Variants in PCDHGA4 observed in about 807,000 individuals in gnomAD.
The protein encoded by PCDHGA4 is protocadherin gamma subfamily A, 4, also known as protocadherin gamma-A4.
In PCDHGA4, 38 loss-of-function variants were observed where a neutral mutation model predicts 54.6. The ratio of observed to expected loss-of-function variants is 0.70; its 90% confidence interval spans 0.54 to 0.91. The LOEUF (loss-of-function observed/expected upper bound fraction) is 0.91. Among genes scored for constraint, PCDHGA4 ranks in the 40% least tolerant of loss-of-function variants. The probability of loss-of-function intolerance (pLI) is 0.00; values close to 1 mark genes in which losing one functional copy is unlikely to be tolerated. For missense variants in PCDHGA4, 1,298 were observed against 1,220.9 expected (o/e 1.06, Z -0.94); for synonymous variants, 511 against 512.9 (o/e 1.00, Z 0.05).
chr5:141,485,549 G>T lies in PCDHGA4; in HGVS notation c.2515-9258G>T. 1 of 1,614,030 alleles carries T rather than the reference G, an allele frequency of 6.2e-7. No homozygotes were observed. Among genetic ancestry groups the T allele is most frequent in the Non-Finnish European group, 8.5e-7 (1 of 1,179,922 alleles). On this transcript the variant is annotated intron_variant, in intron 1 of 3. Coordinates refer to ENST00000571252, the MANE Select transcript of PCDHGA4 (RefSeq NM_018917.4). The surrounding 1 kb of genome is among the most constrained non-coding windows in gnomAD (Gnocchi z 5.7). Reference sequence around the variant, plus strand: ...CCGAGCAGAGGTAGAGATCGTAGATGTGAATGATCACGCCCCCCGTTTTCC... The same window carrying T: ...CCGAGCAGAGGTAGAGATCGTAGATTTGAATGATCACGCCCCCCGTTTTCC...
chr5:141,426,733 G>A (rs62378459), intron 1 of PCDHGA4: 13,670 of 449,336 alleles, frequency 0.03, 288 homozygotes, highest in Middle Eastern at 0.11. Context: ...CCAGGCATTC[G>A]GTTTGGCCTG....
chr5:141,466,686 T>G (rs112499949), intron 1 of PCDHGA4, among the ~76,000 whole-genome samples: 2 of 152,352 alleles, frequency 1.3e-5, no homozygotes, highest in African/African-American at 4.8e-5. Flanking sequence ...CCACTCAAGC[T>G]TCATCATAAA....
chr5:141,387,021 G>A (rs1385427303), intron 1 of PCDHGA4, among the ~76,000 whole-genome samples: 1 of 152,158 alleles, frequency 6.6e-6, no homozygotes, highest in Non-Finnish European at 1.5e-5. Context: ...GAAGATGAAT[G>A]TTGTATTTCA....
Position 141,360,552 on chromosome 5 carries a change from T to C in PCDHGA4, c.2514+2931T>C, listed in dbSNP as rs373703966. 24 of 1,613,850 alleles carry C rather than the reference T, an allele frequency of 1.5e-5. No individual in the cohort carries two copies. In the African/African-American group the frequency reaches 2.8e-4, roughly 19 times the overall value. Reference sequence around the variant, plus strand: ...CGCTATTCAAACAGACTAAGATTAATTTAAAAATTGGCGAATCCACTAAGC... The same window carrying C: ...CGCTATTCAAACAGACTAAGATTAACTTAAAAATTGGCGAATCCACTAAGC... On this transcript the variant is annotated intron_variant, in intron 1 of 3. Transcript: ENST00000571252.
At chr5:141,410,012 C>T (rs1256228205) in intron 1 of PCDHGA4, 24 of 1,613,212 alleles carry the variant, frequency 1.5e-5, no homozygotes, top group Non-Finnish European at 2.0e-5. Context: ...CAACGCCTGG[C>T]TGTCCTACCA....
At chr5:141,454,311 T>C (rs755771201) in intron 1 of PCDHGA4, among the ~76,000 whole-genome samples, 1 of 152,216 alleles carries the variant, frequency 6.6e-6, no homozygotes, top group Non-Finnish European at 1.5e-5. Context: ...TTTCAAAGCA[T>C]TGAAACCTCC....
intron 1 of PCDHGA4, chr5:141,427,043 G>A: frequency 2.2e-6 from 1 of 457,348 alleles, no homozygotes; most frequent in Non-Finnish European, 4.4e-6. Context: ...GAGAGAATGT[G>A]CCCCCAGGCA....
intron 1 of PCDHGA4, chr5:141,398,707 C>G (rs1257471989): frequency 6.8e-6 from 11 of 1,613,742 alleles, no homozygotes; most frequent in African/African-American, 1.3e-5. Context: ...ATACCCGGAA[C>G]TGGCACTGGA....
At chr5:141,360,765 G>A (rs1194584899) in intron 1 of PCDHGA4, 1 of 1,613,902 alleles carries the variant, frequency 6.2e-7, no homozygotes, top group East Asian at 2.2e-5. Flanking sequence ...TACATCAATT[G>A]GTCCTCACAG....
At position 141,476,051 on chromosome 5, in the gene PCDHGA4, GA is replaced by G; in HGVS notation, c.2515-18753del. On this transcript the variant is annotated intron_variant, in intron 1 of 3. Transcript: ENST00000571252. This position sits in a 1 kb window ranked among gnomAD's most constrained non-coding sequence, Gnocchi z 7.6. ...CCCAGCGCCCAAGCGCTAACCCGCT[GA>G]AAGTTTCTCAGCGAAATCTCAGGGA... 1.3e-6 allele frequency: 2 copies of G among 1,504,270 alleles called. No individual in the cohort carries two copies. The highest frequency in any genetic ancestry group is 1.8e-6 in the Non-Finnish European group (2 of 1,133,694). The allele number at this position is 1,504,270 out of a possible 1,614,324, so 93.2% of individuals were successfully genotyped here.
chr5:141,476,864 C>T lies in PCDHGA4; in HGVS notation c.2515-17943C>T, dbSNP rs1318457627. ...GCCTGTCTTCAACCAGTCCTTGTAC[C>T]GGGCGCGCGTCCTGGAGGATGCACC... is the stretch of plus-strand genomic sequence containing the variant. On this transcript the variant is annotated intron_variant, in intron 1 of 3. Coordinates refer to ENST00000571252, the MANE Select transcript of PCDHGA4 (RefSeq NM_018917.4). This position sits in a 1 kb window ranked among gnomAD's most constrained non-coding sequence, Gnocchi z 7.6. 4.3e-6 allele frequency: 7 copies of T among 1,613,838 alleles called. No homozygotes were observed. Among genetic ancestry groups the T allele is most frequent in the Non-Finnish European group, 5.9e-6 (7 of 1,180,044 alleles).
intron 1 of PCDHGA4, chr5:141,364,881 G>T (rs1274418788): frequency 3.1e-6 from 5 of 1,614,016 alleles, no homozygotes; most frequent in Non-Finnish European, 4.2e-6. Context: ...GATGTGGTAA[G>T]CGGAACTGAT....
At chr5:141,388,571 C>A in intron 1 of PCDHGA4, 2 of 1,613,830 alleles carry the variant, frequency 1.2e-6, no homozygotes, top group Non-Finnish European at 1.7e-6. Context: ...CACAGATACA[C>A]GTTCTAGTGA....
intron 1 of PCDHGA4, chr5:141,398,793 A>C (rs376843278): frequency 6.2e-7 from 1 of 1,613,948 alleles, no homozygotes; most frequent in African/African-American, 1.3e-5. Context: ...ATCCACCCCT[A>C]AGCGGCACCA....
intron 1 of PCDHGA4, chr5:141,398,277 C>T: frequency 1.4e-6 from 2 of 1,407,866 alleles, no homozygotes; most frequent in Non-Finnish European, 1.9e-6. Flanking sequence ...TGGGGAACCT[C>T]GCCACGGACC....
chr5:141,393,776 C>T (rs752900835), intron 1 of PCDHGA4: 10 of 1,613,596 alleles, frequency 6.2e-6, no homozygotes, highest in South Asian at 5.5e-5. Context: ...AAATACAAGC[C>T]GAAGATGTGG....
intron 1 of PCDHGA4, chr5:141,360,778 G>A: frequency 6.2e-7 from 1 of 1,613,918 alleles, no homozygotes; most frequent in African/African-American, 1.3e-5. Flanking sequence ...CCTCACAGCT[G>A]TGGATGGCGG....
At chr5:141,364,881 G>A (rs1274418788) in intron 1 of PCDHGA4, 2 of 1,613,898 alleles carry the variant, frequency 1.2e-6, no homozygotes, top group Admixed American at 1.7e-5. Context: ...GATGTGGTAA[G>A]CGGAACTGAT....
chr5:141,427,199 A>G (rs900332017), intron 1 of PCDHGA4: 5 of 456,766 alleles, frequency 1.1e-5, no homozygotes, highest in Non-Finnish European at 2.2e-5. Context: ...AAGACTTAAT[A>G]GACTTCGAAT....
Sources: gnomAD v4.1 joint callset for allele counts (sites outside exome capture counted in the v4.1 genomes callset) on GRCh38, gnomAD v4.1.1 for gene constraint, Gnocchi (gnomAD v3.1) non-coding constraint, MANE v1.5 for transcripts, NCBI Gene and HGNC (gene_info 2026-07-23, HGNC 2026-07-21) for gene names.